Variants in RANBP17 observed in about 807,000 individuals in gnomAD.
RANBP17 encodes ran-binding protein 17.
A neutral mutation model predicts 141.2 loss-of-function variants in RANBP17; 158 were observed. The observed-to-expected ratio is 1.12, with a 90% CI of 0.98 to 1.28. RANBP17 has a LOEUF of 1.28. Among genes scored for constraint, RANBP17 ranks in the 50% most tolerant of loss-of-function variants. RANBP17 has a pLI of 0.00. For synonymous variants in RANBP17, 430 were observed against 450.0 expected, an observed-to-expected ratio of 0.96 and a Z score of 0.56; for missense variants, 1,438 against 1,290.7, an observed-to-expected ratio of 1.11 and a Z score of -1.75.
intron 12 of RANBP17, among the ~76,000 whole-genome samples, chr5:170,941,378 T>C (rs1317012139): frequency 6.6e-6 from 1 of 152,074 alleles, no homozygotes; most frequent in African/African-American, 2.4e-5. Context: ...TATATACTAT[T>C]AGGAACAAAT....
At chr5:171,089,246 G>A (rs1480986637) in intron 14 of RANBP17, among the ~76,000 whole-genome samples, 5 of 107,102 alleles carry the variant, frequency 4.7e-5, no homozygotes, top group African/African-American at 1.4e-4. Flanking sequence ...CCCCTGCTGG[G>A]GGGGGCCTCC....
chr5:170,919,601 C>G lies in RANBP17; in HGVS notation c.1262C>G (p.Ala421Gly), dbSNP rs750037626. 1 of 1,590,374 alleles carries G rather than the reference C, an allele frequency of 6.3e-7. No homozygotes were observed. The highest frequency in any genetic ancestry group is 1.9e-5 in the Admixed American group (1 of 53,178). Residue 421 changes from alanine to glycine, a missense_variant, in exon 11 of 28, where the codon GCC (alanine) becomes GGC (glycine). By Grantham distance (60) the Ala-to-Gly change is moderately conservative. Coordinates refer to ENST00000523189, the MANE Select transcript of RANBP17 (RefSeq NM_022897.5). Reference sequence around the variant, plus strand: ...ATCACTTCTCGGTTGGACTCTGTTGCCATAGTTGTGAGGTATTCAAAAACT... The same window carrying G: ...ATCACTTCTCGGTTGGACTCTGTTGGCATAGTTGTGAGGTATTCAAAAACT... Reference protein sequence around the residue: ...AFITSRLDSVAIVVRDHLDDP... With the variant: ...AFITSRLDSVGIVVRDHLDDP...
At chr5:171,282,449 G>A (rs1394137219) in intron 25 of RANBP17, among the ~76,000 whole-genome samples, 1 of 149,432 alleles carries the variant, frequency 6.7e-6, no homozygotes. Context: ...AAGGAAGAAA[G>A]CTGCATGTTG....
At chr5:171,225,100 A>C (rs184102310) in intron 22 of RANBP17, among the ~76,000 whole-genome samples, 7 of 152,346 alleles carry the variant, frequency 4.6e-5, no homozygotes, top group African/African-American at 1.7e-4. Context: ...AAAATTGCCA[A>C]ATATTACATA....
chr5:171,093,817 A>G (rs1786487337), intron 14 of RANBP17, among the ~76,000 whole-genome samples: 1 of 152,228 alleles, frequency 6.6e-6, no homozygotes, highest in Admixed American at 6.5e-5. Flanking sequence ...AAAGCTGGAT[A>G]TGAGCCAAGA....
chr5:171,199,842 GCTTTGCATAT>G (rs1328708781), intron 19 of RANBP17, 69 bp downstream of exon 19: 84 of 903,212 alleles, frequency 9.3e-5, no homozygotes, highest in Non-Finnish European at 1.4e-4. Context: ...CCAGAAAAGG[GCTTTGCATAT>G]CTGTGTGTAC....
At chr5:171,119,865 C>T (rs947199866) in intron 14 of RANBP17, among the ~76,000 whole-genome samples, 4 of 151,882 alleles carry the variant, frequency 2.6e-5, no homozygotes, top group Non-Finnish European at 5.9e-5. Flanking sequence ...CATGGAGAAA[C>T]CCCGTCTCTA....
chr5:171,062,282 T>C (rs1482953738), intron 14 of RANBP17, among the ~76,000 whole-genome samples: 14 of 152,228 alleles, frequency 9.2e-5, no homozygotes, highest in Admixed American at 9.2e-4. Flanking sequence ...TGGCATAATT[T>C]TGCGGCGGCT....
At chr5:170,898,110 C>T (rs4282334) in intron 5 of RANBP17, among the ~76,000 whole-genome samples, 91,458 of 152,036 alleles carry the variant, frequency 0.6, 29,220 homozygotes, top group South Asian at 0.89. Flanking sequence ...TTCTAGCTGG[C>T]GTGAGTTGCA....
chr5:171,001,265 C>T (rs538449687), intron 14 of RANBP17, among the ~76,000 whole-genome samples: 3 of 152,026 alleles, frequency 2.0e-5, no homozygotes, highest in South Asian at 4.2e-4. Context: ...TTTGTCATAT[C>T]GAATTATTGG....
intron 1 of RANBP17, among the ~76,000 whole-genome samples, chr5:170,866,573 G>A (rs1412557296): frequency 6.6e-6 from 1 of 152,050 alleles, no homozygotes; most frequent in African/African-American, 2.4e-5. Flanking sequence ...TAATTGGGAA[G>A]CTGAGGCAGA....
At chr5:171,208,373 G>A (rs1762692978) in intron 20 of RANBP17, among the ~76,000 whole-genome samples, 1 of 152,170 alleles carries the variant, frequency 6.6e-6, no homozygotes, top group African/African-American at 2.4e-5. Context: ...CTGGAGAATT[G>A]AAGGAAGATC....
At chr5:171,058,315 C>T in intron 14 of RANBP17, among the ~76,000 whole-genome samples, 2 of 104,618 alleles carry the variant, frequency 1.9e-5, no homozygotes, top group African/African-American at 3.7e-5. Flanking sequence ...TCCCCCCTCC[C>T]CCCACCCCAC....
At chr5:171,007,881 C>T in intron 14 of RANBP17, among the ~76,000 whole-genome samples, 1 of 152,036 alleles carries the variant, frequency 6.6e-6, no homozygotes, top group East Asian at 1.9e-4. Context: ...GGAAGTTTGC[C>T]CATAGTGAAG....
At chr5:171,224,948 T>G (rs981632368) in intron 22 of RANBP17, among the ~76,000 whole-genome samples, 2 of 152,230 alleles carry the variant, frequency 1.3e-5, no homozygotes, top group Non-Finnish European at 2.9e-5. Context: ...CCTCTCTTGC[T>G]TCAGTTTCTT....
At chr5:171,034,016 A>C (rs923340246) in intron 14 of RANBP17, among the ~76,000 whole-genome samples, 1 of 152,138 alleles carries the variant, frequency 6.6e-6, no homozygotes, top group African/African-American at 2.4e-5. Flanking sequence ...GGAGACTGAA[A>C]CAGGAGGATC....
chr5:171,122,032 A>G (rs1038208961), intron 14 of RANBP17, among the ~76,000 whole-genome samples: 2 of 152,140 alleles, frequency 1.3e-5, no homozygotes, highest in Non-Finnish European at 2.9e-5. Context: ...AAGGACTGCC[A>G]TTGTTTTTGG....
intron 14 of RANBP17, among the ~76,000 whole-genome samples, chr5:171,115,738 C>T (rs977453679): frequency 2.0e-5 from 3 of 152,132 alleles, no homozygotes; most frequent in Admixed American, 1.3e-4. Flanking sequence ...GTGGGACTCC[C>T]GTGTGGTAAA....
intron 24 of RANBP17, among the ~76,000 whole-genome samples, chr5:171,264,719 GA>G (rs939293700): frequency 2.5e-4 from 38 of 152,136 alleles, no homozygotes; most frequent in African/African-American, 8.7e-4. Context: ...TATAAATGGT[GA>G]AAAAACGTGA....
Sources: gnomAD v4.1 joint callset for allele counts (sites outside exome capture counted in the v4.1 genomes callset) on GRCh38, gnomAD v4.1.1 for gene constraint, MANE v1.5 for transcripts, NCBI Gene and HGNC (gene_info 2026-07-23, HGNC 2026-07-21) for gene names.